The following SLC71A2 variants were observed in gnomAD, a reference collection of about 807,000 sequenced individuals.
The protein encoded by SLC71A2 is hippocampus abundant transcript-like 1.
chr9:94,411,492 T>G, the SLC71A2 span, among the ~76,000 whole-genome samples: 2 of 152,142 alleles, frequency 1.3e-5, no homozygotes, highest in African/African-American at 4.8e-5. Context: ...ACCCAGTGAT[T>G]TCAGTGGCCA....
the SLC71A2 span, chr9:94,446,766 A>G: frequency 1.1e-6 from 1 of 875,148 alleles, no homozygotes; most frequent in Non-Finnish European, 1.9e-6. Context: ...GTCCCAGAAC[A>G]TTGGCAACAT....
chr9:94,425,110 T>C, the SLC71A2 span, among the ~76,000 whole-genome samples: 4 of 151,876 alleles, frequency 2.6e-5, no homozygotes, highest in Admixed American at 6.6e-5. Flanking sequence ...TCTGTTTCCC[T>C]ATCTTGTTCA....
At chr9:94,431,321 A>G in the SLC71A2 span, among the ~76,000 whole-genome samples, 108 of 152,250 alleles carry the variant, frequency 7.1e-4, 1 homozygote, top group East Asian at 0.019. Context: ...TCAAAAAAAA[A>G]AAAAAAATTA....
the SLC71A2 span, among the ~76,000 whole-genome samples, chr9:94,428,982 C>T: frequency 6.6e-6 from 1 of 152,006 alleles, no homozygotes; most frequent in Non-Finnish European, 1.5e-5. Context: ...GAGGTTCCTC[C>T]ATGTTTTTTA....
chr9:94,459,652 C>CA, the SLC71A2 span: 1 of 446,882 alleles, frequency 2.2e-6, no homozygotes, highest in Non-Finnish European at 4.0e-6. Context: ...TACTTCCTTG[C>CA]AAATAATGTG....
the SLC71A2 span, among the ~76,000 whole-genome samples, chr9:94,426,312 G>A: frequency 6.6e-6 from 1 of 151,994 alleles, no homozygotes; most frequent in Non-Finnish European, 1.5e-5. Flanking sequence ...GCTTTGAGAG[G>A]AAGACACCAG....
the SLC71A2 span, chr9:94,438,612 C>A: frequency 6.4e-7 from 1 of 1,563,454 alleles, no homozygotes; most frequent in Non-Finnish European, 8.6e-7. Context: ...CACTTCTTAA[C>A]TATTACAAAG....
At chr9:94,379,115 T>C in the SLC71A2 span, among the ~76,000 whole-genome samples, 1 of 146,750 alleles carries the variant, frequency 6.8e-6, no homozygotes. Context: ...AGACGGAGTT[T>C]CACTGTTGTT....
chr9:94,455,378 ATTT>A, the SLC71A2 span, among the ~76,000 whole-genome samples: 20 of 85,778 alleles, frequency 2.3e-4, no homozygotes, highest in African/African-American at 8.0e-4. Flanking sequence ...TAATATTCTG[ATTT>A]TTTTTTTTTT....
At chr9:94,450,493 C>CTTTTTTTTTTTTTTTT in the SLC71A2 span, among the ~76,000 whole-genome samples, 1,894 of 101,708 alleles carry the variant, frequency 0.019, 288 homozygotes, top group African/African-American at 0.048. Context: ...AATAATGTAA[C>CTTTTTTTTTTTTTTTT]TTTTTTTTTT....
At chr9:94,452,810 C>G in the SLC71A2 span, among the ~76,000 whole-genome samples, 1 of 150,872 alleles carries the variant, frequency 6.6e-6, no homozygotes, top group African/African-American at 2.4e-5. Context: ...ATTTCCCTAT[C>G]TATTGTAAAT....
chr9:94,460,927 G>T, the SLC71A2 span: 1 of 134,988 alleles, frequency 7.4e-6, no homozygotes, highest in African/African-American at 2.6e-5. Flanking sequence ...TTTATGTCTT[G>T]TGTCTTTTTT....
chr9:94,457,466 A>G, the SLC71A2 span, among the ~76,000 whole-genome samples: 2 of 143,018 alleles, frequency 1.4e-5, no homozygotes, highest in East Asian at 2.0e-4. Flanking sequence ...TTTTTTTTCT[A>G]TATCAGAAGT....
the SLC71A2 span, among the ~76,000 whole-genome samples, chr9:94,387,464 G>A: frequency 6.6e-6 from 1 of 151,706 alleles, no homozygotes; most frequent in African/African-American, 2.4e-5. Context: ...TCTAATCAAT[G>A]TTCTAAGGAA....
the SLC71A2 span, among the ~76,000 whole-genome samples, chr9:94,395,450 A>G: frequency 6.6e-6 from 1 of 151,936 alleles, no homozygotes; most frequent in Non-Finnish European, 1.5e-5. Context: ...ATTGCACATA[A>G]GAACTCCAGG....
chr9:94,441,113 CTATA>C, the SLC71A2 span: 5 of 1,389,708 alleles, frequency 3.6e-6, no homozygotes, highest in South Asian at 5.2e-5. Context: ...AGATAATAGA[CTATA>C]TATATTTTTT....
At chr9:94,388,213 GA>G in the SLC71A2 span, among the ~76,000 whole-genome samples, 6 of 151,412 alleles carry the variant, frequency 4.0e-5, no homozygotes, top group African/African-American at 1.4e-4. Flanking sequence ...CATGAAAAAA[GA>G]GTCATAAAAT....
At chr9:94,429,707 T>C in the SLC71A2 span, among the ~76,000 whole-genome samples, 1 of 152,126 alleles carries the variant, frequency 6.6e-6, no homozygotes, top group East Asian at 1.9e-4. Context: ...TCGATTTTAA[T>C]ATGATATATA....
chr9:94,416,194 G>A, the SLC71A2 span, among the ~76,000 whole-genome samples: 1 of 152,120 alleles, frequency 6.6e-6, no homozygotes. Context: ...CTGGAGTTAA[G>A]TTTCAGTTGT....
Sources: allele counts gnomAD v4.1 joint callset (sites outside exome capture counted in the v4.1 genomes callset), GRCh38; gene constraint gnomAD v4.1.1; transcripts MANE v1.5; gene names NCBI Gene and HGNC (gene_info 2026-07-23, HGNC 2026-07-21).